The following PCDH15 variants were observed in gnomAD, a reference collection of about 807,000 sequenced individuals.
The protein encoded by PCDH15 is protocadherin-15.
A neutral mutation model predicts 178.5 loss-of-function variants in PCDH15; 129 were observed. The ratio of observed to expected loss-of-function variants is 0.72; its 90% confidence interval spans 0.63 to 0.84. The LOEUF (loss-of-function observed/expected upper bound fraction) is 0.84, where lower values mean the gene tolerates loss of function less well. Ranked by LOEUF, PCDH15 falls within the 40% of genes least tolerant of loss-of-function variation. PCDH15 has a pLI of 0.00. For synonymous variants in PCDH15, 800 were observed against 732.0 expected (o/e 1.09, Z -1.50); for missense variants, 2,230 against 2,099.9 (o/e 1.06, Z -1.21).
chr10:54,570,048 GT>G (rs2089588100), intron 2 of PCDH15, among the ~76,000 whole-genome samples: 2 of 151,754 alleles, frequency 1.3e-5, no homozygotes, highest in Admixed American at 6.6e-5. Context: ...GGGTGTGTGT[GT>G]GTGTGTGTCT....
chr10:54,829,274 G>T (rs1268071579), intron 3 of PCDH15, among the ~76,000 whole-genome samples: 2 of 151,956 alleles, frequency 1.3e-5, no homozygotes, highest in Non-Finnish European at 2.9e-5. Flanking sequence ...TGAGAGGTCA[G>T]TTAGTAACCT....
intron 2 of PCDH15, among the ~76,000 whole-genome samples, chr10:55,013,240 C>T (rs977022835): frequency 2.6e-5 from 4 of 152,130 alleles, no homozygotes; most frequent in Non-Finnish European, 5.9e-5. Flanking sequence ...AAACTGCACC[C>T]TAAAGGGCAA....
intron 2 of PCDH15, among the ~76,000 whole-genome samples, chr10:55,405,366 T>A (rs1314378397): frequency 6.7e-6 from 1 of 148,540 alleles, no homozygotes; most frequent in Non-Finnish European, 1.5e-5. Flanking sequence ...AAAGGAGTAA[T>A]CTTTATCTAT....
chr10:54,305,013 G>A (rs1258390376), intron 8 of PCDH15, among the ~76,000 whole-genome samples: 1 of 151,992 alleles, frequency 6.6e-6, no homozygotes, highest in Non-Finnish European at 1.5e-5. Context: ...TAATCATAAA[G>A]CCCAACACTT....
chr10:54,866,546 G>T (rs950457654), intron 3 of PCDH15, among the ~76,000 whole-genome samples: 1 of 152,114 alleles, frequency 6.6e-6, no homozygotes, highest in Non-Finnish European at 1.5e-5. Context: ...CAATGATACA[G>T]GAATACTTTC....
At chr10:54,205,815 C>G (rs2050738557) in intron 10 of PCDH15, among the ~76,000 whole-genome samples, 2 of 151,920 alleles carry the variant, frequency 1.3e-5, no homozygotes, top group African/African-American at 4.8e-5. Flanking sequence ...ACTAAACATA[C>G]TCAAAAACTT....
intron 2 of PCDH15, among the ~76,000 whole-genome samples, chr10:55,396,073 A>T (rs943938872): frequency 6.6e-6 from 1 of 152,194 alleles, no homozygotes; most frequent in South Asian, 2.1e-4. Flanking sequence ...GATAAAAAAT[A>T]GAATAAAATT....
intron 1 of PCDH15, among the ~76,000 whole-genome samples, chr10:54,793,343 C>T (rs1951617052): frequency 6.6e-6 from 1 of 151,814 alleles, no homozygotes; most frequent in Non-Finnish European, 1.5e-5. Context: ...AGATTTTATA[C>T]ACCCACCCAG....
At chr10:54,768,721 A>G (rs1042406058) in intron 1 of PCDH15, among the ~76,000 whole-genome samples, 15 of 152,110 alleles carry the variant, frequency 9.9e-5, no homozygotes, top group African/African-American at 3.4e-4. Flanking sequence ...AAATCCCTCT[A>G]TGCTTTATTA....
intron 3 of PCDH15, among the ~76,000 whole-genome samples, chr10:54,401,279 T>C (rs1951900123): frequency 6.6e-6 from 1 of 151,754 alleles, no homozygotes; most frequent in Non-Finnish European, 1.5e-5. Context: ...GACTTCAATA[T>C]CACCTACACA....
intron 2 of PCDH15, among the ~76,000 whole-genome samples, chr10:55,075,609 C>T (rs781196025): frequency 3.1e-4 from 47 of 151,954 alleles, no homozygotes; most frequent in Middle Eastern, 3.4e-3. Flanking sequence ...GTGATCTAGC[C>T]GCCTCAGGCT....
chr10:55,163,233 C>G (rs997656355), intron 2 of PCDH15, among the ~76,000 whole-genome samples: 1 of 152,122 alleles, frequency 6.6e-6, no homozygotes, highest in African/African-American at 2.4e-5. Context: ...GTATTAAACT[C>G]TCTCTATTGT....
chr10:54,988,130 C>G (rs529044332), intron 2 of PCDH15, among the ~76,000 whole-genome samples: 2 of 152,110 alleles, frequency 1.3e-5, no homozygotes, highest in African/African-American at 4.8e-5. Context: ...ATCCTTTCAC[C>G]ATTGCTTGCT....
At chr10:55,188,411 T>A (rs933982644) in intron 1 of PCDH15, among the ~76,000 whole-genome samples, 31 of 151,916 alleles carry the variant, frequency 2.0e-4, no homozygotes, top group African/African-American at 5.6e-4. Flanking sequence ...TCAGTTACTT[T>A]TTCTGGCATC....
intron 8 of PCDH15, among the ~76,000 whole-genome samples, chr10:54,251,567 C>T (rs2056474397): frequency 6.6e-6 from 1 of 152,148 alleles, no homozygotes; most frequent in Admixed American, 6.5e-5. Flanking sequence ...TTTAACCAGG[C>T]TGATGCAGAC....
chr10:55,345,829 TG>T (rs1844739520), intron 2 of PCDH15, among the ~76,000 whole-genome samples: 1 of 152,072 alleles, frequency 6.6e-6, no homozygotes, highest in Admixed American at 6.6e-5. Context: ...TATACATATA[TG>T]TAAGTCAAAG....
At position 54,775,748 on chromosome 10, in the gene PCDH15, G is replaced by A. The variant is rs1464971360; in HGVS notation, c.-29+25177C>T. On this transcript the variant is annotated intron_variant, in intron 1 of 37. Transcript: ENST00000644397. Reference sequence around the variant, plus strand: ...AAAATACAAAAAATTAGCTGGGCGTGGTGGCGGGCGCCTGTAGTCCCAGCT... The same window carrying A: ...AAAATACAAAAAATTAGCTGGGCGTAGTGGCGGGCGCCTGTAGTCCCAGCT... Among the ~76,000 whole-genome samples the A allele has an allele frequency of 2.0e-5, 3 of 152,252 alleles. No homozygotes were observed. The East Asian group carries it at 5.8e-4, about 30-fold the overall frequency.
At chr10:55,428,777 T>G (rs1233126103) in intron 2 of PCDH15, among the ~76,000 whole-genome samples, 1 of 151,990 alleles carries the variant, frequency 6.6e-6, no homozygotes, top group East Asian at 1.9e-4. Flanking sequence ...AATATTTTTG[T>G]TATTGTTTTA....
intron 21 of PCDH15, among the ~76,000 whole-genome samples, chr10:53,988,722 G>A (rs1005116040): frequency 9.2e-5 from 14 of 152,024 alleles, no homozygotes; most frequent in African/African-American, 3.4e-4. Flanking sequence ...GAGGTCTGTG[G>A]GCCAGTCCCA....
Sources: allele counts gnomAD v4.1 joint callset (sites outside exome capture counted in the v4.1 genomes callset), GRCh38; gene constraint gnomAD v4.1.1; transcripts MANE v1.5; gene names NCBI Gene and HGNC (gene_info 2026-07-23, HGNC 2026-07-21).